Variants in FAM13A observed in about 807,000 individuals in gnomAD.
FAM13A encodes protein FAM13A.
FAM13A carries 76 observed loss-of-function variants against 129.6 expected under a neutral mutation model. That is an observed-to-expected ratio of 0.59 (90% CI 0.49 to 0.71). FAM13A has a LOEUF of 0.71. Among genes scored for constraint, FAM13A ranks in the 30% least tolerant of loss-of-function variants. The probability of loss-of-function intolerance (pLI) is 0.00; values close to 1 mark genes in which losing one functional copy is unlikely to be tolerated. For missense variants in FAM13A, 1,108 were observed against 1,249.3 expected (o/e 0.89, Z 1.70); for synonymous variants, 443 against 449.9 (o/e 0.98, Z 0.20).
At chr4:88,946,571 C>A (rs1755920207) in intron 4 of FAM13A, among the ~76,000 whole-genome samples, 1 of 152,028 alleles carries the variant, frequency 6.6e-6, no homozygotes, top group Non-Finnish European at 1.5e-5. Flanking sequence ...AATAAGGAAT[C>A]TGTGCAGTTG....
At chr4:88,975,685 C>A (rs1171359209) in intron 4 of FAM13A, among the ~76,000 whole-genome samples, 1 of 152,158 alleles carries the variant, frequency 6.6e-6, no homozygotes, top group East Asian at 1.9e-4. Context: ...TTTTTCTCTG[C>A]AAAGAGTATT....
chr4:88,917,517 A>C (rs192191423), intron 5 of FAM13A, among the ~76,000 whole-genome samples: 247 of 152,294 alleles, frequency 1.6e-3, no homozygotes, highest in African/African-American at 5.6e-3. Context: ...CTTTCCTGGA[A>C]ACTTTTAATT....
intron 3 of FAM13A, among the ~76,000 whole-genome samples, chr4:88,996,835 C>T (rs1432097487): frequency 2.0e-5 from 3 of 152,196 alleles, no homozygotes; most frequent in East Asian, 1.9e-4. Context: ...AAACACCCTC[C>T]GTGCCTTGCA....
chr4:88,881,429 G>C (rs1027586018), intron 6 of FAM13A, among the ~76,000 whole-genome samples: 18 of 152,170 alleles, frequency 1.2e-4, no homozygotes, highest in Non-Finnish European at 1.9e-4. Flanking sequence ...GGAAGGGGGA[G>C]AGCACCACAT....
At chr4:88,939,311 C>A (rs1282888872) in intron 4 of FAM13A, among the ~76,000 whole-genome samples, 1 of 152,072 alleles carries the variant, frequency 6.6e-6, no homozygotes, top group African/African-American at 2.4e-5. Flanking sequence ...AATCTTTAAC[C>A]AGGGCCAGCA....
At chr4:88,731,868 C>A in intron 22 of FAM13A, 134 bp downstream of exon 22, 1 of 710,308 alleles carries the variant, frequency 1.4e-6, no homozygotes, top group Non-Finnish European at 2.2e-6. Context: ...TAAAAAATCA[C>A]CGTTTTATCC....
intron 5 of FAM13A, among the ~76,000 whole-genome samples, chr4:88,912,630 C>T (rs1320160165): frequency 1.3e-5 from 2 of 151,592 alleles, no homozygotes; most frequent in African/African-American, 2.4e-5. Context: ...TCTGGAAAAC[C>T]TTGAACATAT....
intron 3 of FAM13A, among the ~76,000 whole-genome samples, chr4:88,992,168 AAACCCCAAATGCAG>A: frequency 6.6e-6 from 1 of 152,240 alleles, no homozygotes; most frequent in Admixed American, 6.5e-5. Context: ...CCAAGCTGCA[AAACCCCAAATGCAG>A]TAGTCCCTCT....
At chr4:88,803,745 C>A (rs1728007265) in intron 8 of FAM13A, among the ~76,000 whole-genome samples, 1 of 152,080 alleles carries the variant, frequency 6.6e-6, no homozygotes, top group African/African-American at 2.4e-5. Context: ...CCCTCTCTTG[C>A]CATAAAGTGA....
At chr4:89,007,629 T>C (rs896980908) in intron 3 of FAM13A, among the ~76,000 whole-genome samples, 5 of 152,156 alleles carry the variant, frequency 3.3e-5, no homozygotes, top group African/African-American at 9.7e-5. Context: ...CCACTAAATT[T>C]TGGAGTCATT....
At chr4:88,942,408 A>G (rs1008760941) in intron 4 of FAM13A, among the ~76,000 whole-genome samples, 2 of 152,020 alleles carry the variant, frequency 1.3e-5, no homozygotes, top group African/African-American at 4.8e-5. Flanking sequence ...CTCTACTAAA[A>G]ATACAAACAT....
intron 7 of FAM13A, among the ~76,000 whole-genome samples, chr4:88,845,317 A>T (rs1477784685): frequency 1.3e-5 from 2 of 152,140 alleles, no homozygotes. Context: ...AGTGAGTTTA[A>T]GGTACATCCT....
intron 6 of FAM13A, among the ~76,000 whole-genome samples, chr4:88,871,579 G>T (rs1741401004): frequency 6.6e-6 from 1 of 151,610 alleles, no homozygotes; most frequent in Admixed American, 6.6e-5. Context: ...AATGAAGCGA[G>T]AAGAGAAGTT....
intron 11 of FAM13A, among the ~76,000 whole-genome samples, chr4:88,769,873 C>T (rs1371705952): frequency 6.6e-6 from 1 of 151,396 alleles, no homozygotes; most frequent in Non-Finnish European, 1.5e-5. Context: ...ATGCCTGGTA[C>T]ATTTAATGAA....
At chr4:88,786,168 C>T (rs932692134) in intron 10 of FAM13A, among the ~76,000 whole-genome samples, 1 of 152,128 alleles carries the variant, frequency 6.6e-6, no homozygotes, top group Non-Finnish European at 1.5e-5. Flanking sequence ...TCTGTTTCTA[C>T]CTCCACTGTC....
intron 6 of FAM13A, 89 bp from the exon 7 acceptor site, chr4:88,851,272 C>A: frequency 1.7e-6 from 2 of 1,189,472 alleles, no homozygotes; most frequent in Admixed American, 2.6e-5. Context: ...CAATTTATTC[C>A]AATTTTGCAA....
chr4:88,884,955 G>C (rs1744167952), intron 6 of FAM13A, among the ~76,000 whole-genome samples: 1 of 152,108 alleles, frequency 6.6e-6, no homozygotes, highest in South Asian at 2.1e-4. Context: ...GGAGGTGAAA[G>C]ACCTCTACAA....
intron 14 of FAM13A, chr4:88,753,739 A>G (rs1417349408): frequency 6.4e-6 from 2 of 312,054 alleles, no homozygotes; most frequent in Non-Finnish European, 4.7e-6. Flanking sequence ...GGGATCAATA[A>G]AACTGTTCCC....
chr4:88,973,924 T>C (rs545216915), intron 4 of FAM13A, among the ~76,000 whole-genome samples: 5 of 152,322 alleles, frequency 3.3e-5, no homozygotes, highest in African/African-American at 1.2e-4. Context: ...GGGGCTGGAA[T>C]TGGGTATTTT....
Sources: allele counts gnomAD v4.1 joint callset (sites outside exome capture counted in the v4.1 genomes callset), GRCh38; gene constraint gnomAD v4.1.1; transcripts MANE v1.5; gene names NCBI Gene and HGNC (gene_info 2026-07-23, HGNC 2026-07-21).